AKIRIN2: variants seen among roughly 807,000 people sequenced by gnomAD.
AKIRIN2 encodes the protein akirin 2.
AKIRIN2 carries 6 observed loss-of-function variants against 29.3 expected under a neutral mutation model. The ratio of observed to expected loss-of-function variants is 0.20; its 90% CI spans 0.11 to 0.40. The LOEUF (loss-of-function observed/expected upper bound fraction) is 0.40. AKIRIN2 is among the 10% of genes least tolerant of loss of function. The pLI is 1.00. For synonymous variants in AKIRIN2, 128 were observed against 117.5 expected (o/e 1.09, Z -0.58); for missense variants, 210 against 276.1 (o/e 0.76, Z 1.70).
intron 1 of AKIRIN2, among the ~76,000 whole-genome samples, chr6:87,691,747 TGAAA>T (rs1771281275): frequency 6.6e-6 from 1 of 152,154 alleles, no homozygotes; most frequent in Admixed American, 6.5e-5. Context: ...GGCAGAATGC[TGAAA>T]GAAAGGTCAA....
At chr6:87,681,817 A>G in intron 1 of AKIRIN2, 54 bp from the exon 2 acceptor site, 2 of 1,428,066 alleles carry the variant, frequency 1.4e-6, no homozygotes, top group Non-Finnish European at 1.9e-6. Context: ...ATTAAAAAAG[A>G]GGTTGGCTTT....
chr6:87,678,953 T>C (rs934517137), intron 2 of AKIRIN2, among the ~76,000 whole-genome samples: 2 of 152,000 alleles, frequency 1.3e-5, no homozygotes, highest in African/African-American at 4.8e-5. Context: ...CTGACCAACA[T>C]GGAGAAACTT....
At chr6:87,687,439 CAAAA>C (rs201472497) in intron 1 of AKIRIN2, among the ~76,000 whole-genome samples, 22 of 109,134 alleles carry the variant, frequency 2.0e-4, no homozygotes, top group South Asian at 9.3e-4. Flanking sequence ...AATTCCGTTT[CAAAA>C]AAAAAAAAAA....
At chr6:87,688,969 T>C (rs1032071189) in intron 1 of AKIRIN2, among the ~76,000 whole-genome samples, 29 of 152,230 alleles carry the variant, frequency 1.9e-4, no homozygotes, top group African/African-American at 5.8e-4. Flanking sequence ...GCACTAGCTA[T>C]ACAGTACCAG....
intron 1 of AKIRIN2, among the ~76,000 whole-genome samples, chr6:87,685,719 ATTCT>A (rs1342644548): frequency 6.6e-6 from 1 of 152,192 alleles, no homozygotes; most frequent in Non-Finnish European, 1.5e-5. Context: ...ATGGCTATAT[ATTCT>A]TTTTCTAAAT....
chr6:87,675,379 G>T lies in AKIRIN2; in HGVS notation c.*218C>A. 3.3e-6 allele frequency: 2 copies of T among 603,150 alleles called. No individual in the cohort carries two copies. The highest frequency in any genetic ancestry group is 6.0e-6 in the Non-Finnish European group (2 of 335,846). The allele number at this position is 603,150 out of a possible 1,614,324, so 37.4% of individuals were successfully genotyped here. ...ATGATACAGCAAAATGAGGCCACTG[G>T]TATTAATACAGGTAGCAAAGGTCCA... On this transcript the variant is annotated 3_prime_UTR_variant, in exon 5 of 5. Coordinates refer to ENST00000257787, the MANE Select transcript of AKIRIN2 (RefSeq NM_018064.4).
At chr6:87,697,874 CT>C (rs1313164558) in intron 1 of AKIRIN2, among the ~76,000 whole-genome samples, 1 of 152,178 alleles carries the variant, frequency 6.6e-6, no homozygotes, top group Non-Finnish European at 1.5e-5. Flanking sequence ...ATTAATGTGC[CT>C]AACAAACTCA....
chr6:87,676,627 A>AC (rs1348173605), intron 3 of AKIRIN2, among the ~76,000 whole-genome samples: 17 of 139,958 alleles, frequency 1.2e-4, no homozygotes, highest in Middle Eastern at 3.8e-3. Flanking sequence ...ACACACACAC[A>AC]AACATAGCTG....
Position 87,701,917 on chromosome 6 carries a change from G to C in AKIRIN2, c.-233C>G. On this transcript the variant is annotated 5_prime_UTR_variant, in exon 1 of 5. Transcript: ENST00000257787. ...GGGTGAGAGCGGGAGGGGCGGTGGC[G>C]GGCAGAAGCACACGCCAGTCGCGTC... is the stretch of plus-strand genomic sequence containing the variant. 2.4e-6 allele frequency: 1 copy of C among 413,158 alleles called. No homozygotes were observed. Among genetic ancestry groups the C allele is most frequent in the Non-Finnish European group, 4.3e-6 (1 of 234,116 alleles). 25.6% of individuals were successfully genotyped at this position (413,158 alleles called of 1,614,324 possible).
chr6:87,687,439 CAAAAAAA>C (rs201472497), intron 1 of AKIRIN2, among the ~76,000 whole-genome samples: 35 of 109,136 alleles, frequency 3.2e-4, no homozygotes, highest in African/African-American at 1.1e-3. Context: ...AATTCCGTTT[CAAAAAAA>C]AAAAAAAAAA....
chr6:87,689,886 C>T (rs1048524459), intron 1 of AKIRIN2, among the ~76,000 whole-genome samples: 1 of 152,140 alleles, frequency 6.6e-6, no homozygotes, highest in Non-Finnish European at 1.5e-5. Context: ...TGGAACTATG[C>T]GTATTTAAAG....
intron 2 of AKIRIN2, among the ~76,000 whole-genome samples, chr6:87,678,874 G>A (rs1484815255): frequency 4.6e-5 from 7 of 152,058 alleles, no homozygotes; most frequent in Admixed American, 2.6e-4. Context: ...GGTGGCTCAC[G>A]CCTGTATTAC....
rs1770946145 is a variant in AKIRIN2, at chr6:87,675,204, G to A, written c.*393C>T. ...GATTACATTCTAAAATTAGTAACTG[G>A]TTACAGCTCGGTTGTAGTGCACAAT... On this transcript the variant is annotated 3_prime_UTR_variant, in exon 5 of 5. Transcript: ENST00000257787. 1 of 200,620 alleles carries A rather than the reference G, an allele frequency of 5.0e-6. No individual in the cohort carries two copies. The highest frequency in any genetic ancestry group is 2.3e-5 in the African/African-American group (1 of 43,306). The allele number at this position is 200,620 out of a possible 1,614,324, so 12.4% of individuals were successfully genotyped here.
intron 1 of AKIRIN2, among the ~76,000 whole-genome samples, chr6:87,683,921 G>C (rs1771151927): frequency 6.6e-6 from 1 of 152,144 alleles, no homozygotes; most frequent in Non-Finnish European, 1.5e-5. Flanking sequence ...CAAAGTGCTA[G>C]GATTATAAGT....
chr6:87,674,979 A>C lies in AKIRIN2; in HGVS notation c.*618T>G, dbSNP rs1432442495. 1 of 146,482 alleles carries C rather than the reference A, an allele frequency of 6.8e-6. No individual in the cohort carries two copies. The highest frequency in any genetic ancestry group is 7.2e-5 in the Admixed American group (1 of 13,950). The allele number at this position is 146,482 out of a possible 1,614,324, so 9.1% of individuals were successfully genotyped here. On this transcript the variant is annotated 3_prime_UTR_variant, in exon 5 of 5. Coordinates refer to ENST00000257787, the MANE Select transcript of AKIRIN2 (RefSeq NM_018064.4). Reference sequence around the variant, plus strand: ...AAATTCCAGTACTACAAGGGCAGTAAAACAATGATACACTGGAAAAAAAAA... The same window carrying C: ...AAATTCCAGTACTACAAGGGCAGTACAACAATGATACACTGGAAAAAAAAA...
chr6:87,676,802 CAT>C (rs1191732242), intron 3 of AKIRIN2, among the ~76,000 whole-genome samples: 1 of 149,606 alleles, frequency 6.7e-6, no homozygotes, highest in Non-Finnish European at 1.5e-5. Flanking sequence ...ATTGGCCGGG[CAT>C]GGTGGCTTAC....
chr6:87,678,511 A>T (rs1341714429), intron 2 of AKIRIN2, among the ~76,000 whole-genome samples: 5 of 152,148 alleles, frequency 3.3e-5, no homozygotes, highest in African/African-American at 1.2e-4. Flanking sequence ...TCAAAAAAAT[A>T]AAAACAAAAA....
At chr6:87,698,835 G>C (rs1356034642) in intron 1 of AKIRIN2, among the ~76,000 whole-genome samples, 1 of 152,142 alleles carries the variant, frequency 6.6e-6, no homozygotes, top group Non-Finnish European at 1.5e-5. Flanking sequence ...TAAAATGATA[G>C]CTAAGGTTTA....
chr6:87,698,766 T>C (rs566268692), intron 1 of AKIRIN2, among the ~76,000 whole-genome samples: 1 of 152,168 alleles, frequency 6.6e-6, no homozygotes, highest in Admixed American at 6.5e-5. Flanking sequence ...TAGTATTAAG[T>C]TGCAACAGTT....
Sources: gnomAD v4.1 joint callset for allele counts (sites outside exome capture counted in the v4.1 genomes callset) on GRCh38, gnomAD v4.1.1 for gene constraint, MANE v1.5 for transcripts, NCBI Gene and HGNC (gene_info 2026-07-23, HGNC 2026-07-21) for gene names.